The following PIAS1 variants were observed in gnomAD, a reference collection of about 807,000 sequenced individuals.
PIAS1 encodes the protein E3 SUMO-protein ligase PIAS1.
A neutral mutation model predicts 71.3 loss-of-function variants in PIAS1; 6 were observed. That is an observed-to-expected ratio of 0.08 (90% CI 0.05 to 0.17). The LOEUF is 0.17. Among genes scored for constraint, PIAS1 ranks in the 10% least tolerant of loss-of-function variants. The pLI, the probability that PIAS1 is intolerant of heterozygous loss-of-function variation, is 1.00. For missense variants in PIAS1, 555 were observed against 793.6 expected, an observed-to-expected ratio of 0.70 and a Z score of 3.61; for synonymous variants, 303 against 292.9, an observed-to-expected ratio of 1.03 and a Z score of -0.35.
chr15:68,093,195 T>TA (rs1256649947), intron 2 of PIAS1, among the ~76,000 whole-genome samples: 2 of 152,236 alleles, frequency 1.3e-5, no homozygotes, highest in East Asian at 3.8e-4. Context: ...CTTTATCAGG[T>TA]CTTTCCCAGA....
At chr15:68,153,540 T>C in intron 6 of PIAS1, 50 bp from the exon 7 acceptor site, 1 of 795,884 alleles carries the variant, frequency 1.3e-6, no homozygotes, top group East Asian at 2.4e-5. Flanking sequence ...AAAATAGATG[T>C]ACTATTTACT....
At chr15:68,075,940 G>A (rs2092158960) in intron 1 of PIAS1, among the ~76,000 whole-genome samples, 1 of 152,010 alleles carries the variant, frequency 6.6e-6, no homozygotes, top group Admixed American at 6.6e-5. Flanking sequence ...CCAGGACCGT[G>A]CCTGGTTCAT....
At chr15:68,120,599 T>G (rs1310940913) in intron 2 of PIAS1, among the ~76,000 whole-genome samples, 4 of 152,182 alleles carry the variant, frequency 2.6e-5, no homozygotes, top group Admixed American at 6.5e-5. Flanking sequence ...TCATTTTTAT[T>G]TTCCCCCTCC....
intron 2 of PIAS1, among the ~76,000 whole-genome samples, chr15:68,136,782 T>C (rs1459840533): frequency 6.6e-6 from 1 of 152,174 alleles, no homozygotes; most frequent in Non-Finnish European, 1.5e-5. Context: ...TTATATCATC[T>C]AAAAATATAG....
intron 7 of PIAS1, among the ~76,000 whole-genome samples, chr15:68,159,920 C>G (rs530654435): frequency 6.6e-6 from 1 of 151,974 alleles, no homozygotes; most frequent in African/African-American, 2.4e-5. Flanking sequence ...AGTAAATATA[C>G]CATTTTTGCA....
At chr15:68,184,932 G>A (rs751971082) in intron 13 of PIAS1, 2 of 153,370 alleles carry the variant, frequency 1.3e-5, no homozygotes, top group African/African-American at 4.8e-5. Flanking sequence ...TACTACAGGA[G>A]CAATAAGAAG....
At position 68,187,101 on chromosome 15, in the gene PIAS1, G is replaced by A. The variant is rs1273957207; in HGVS notation, c.1663-441G>A. ...AATTCTAACTTTCAGTGGTGCCTGA[G>A]TGTATAATAAGAACAGTGTCTGTTG... On this transcript the variant is annotated intron_variant, in intron 13 of 13. Transcript: ENST00000249636. This position sits in a 1 kb window ranked among gnomAD's most constrained non-coding sequence, Gnocchi z 5.3. Among the ~76,000 whole-genome samples the A allele has an allele frequency of 1.3e-5, 2 of 152,158 alleles. No homozygotes were observed. Among genetic ancestry groups the A allele is most frequent in the African/African-American group, 4.8e-5 (2 of 41,424 alleles).
In PIAS1 at chr15:68,188,900, A is replaced by C. The variant is rs2093104772; in HGVS notation, c.*1065A>C. 6.6e-6 allele frequency: 1 copy of C among 152,224 alleles called. No homozygotes were observed. The allele number at this position is 152,224 out of a possible 1,614,324, so 9.4% of individuals were successfully genotyped here. On this transcript the variant is annotated 3_prime_UTR_variant, in exon 14 of 14. Transcript: ENST00000249636. ...AGAGGTAATGTTACATCACCTAAAA[A>C]AGAAAGATACACGGTCAGTTATCCT...
intron 2 of PIAS1, among the ~76,000 whole-genome samples, chr15:68,135,083 G>C (rs2092716647): frequency 2.1e-5 from 1 of 48,092 alleles, no homozygotes; most frequent in Non-Finnish European, 8.5e-5. Context: ...GGGGTGGCTG[G>C]CCGGGCGGGG....
intron 2 of PIAS1, among the ~76,000 whole-genome samples, chr15:68,099,027 G>A (rs773115562): frequency 3.2e-4 from 49 of 152,010 alleles, no homozygotes; most frequent in Non-Finnish European, 5.4e-4. Flanking sequence ...TGCCTTCAAC[G>A]ATACCATGTG....
chr15:68,056,110 G>A (rs2091893239), intron 1 of PIAS1, among the ~76,000 whole-genome samples: 1 of 152,154 alleles, frequency 6.6e-6, no homozygotes, highest in African/African-American at 2.4e-5. Context: ...TTTAAGACAT[G>A]TTTTCTATAA....
chr15:68,123,981 T>TACAC (rs201775354), intron 2 of PIAS1, among the ~76,000 whole-genome samples: 287 of 21,642 alleles, frequency 0.013, 1 homozygote, highest in Admixed American at 0.033. Flanking sequence ...TATGTGTGAA[T>TACAC]ATACACACAC....
At chr15:68,084,056 T>C (rs2092255682) in intron 1 of PIAS1, among the ~76,000 whole-genome samples, 2 of 152,190 alleles carry the variant, frequency 1.3e-5, no homozygotes, top group South Asian at 2.1e-4. Context: ...AGAGATTTTA[T>C]GAGAAATGTC....
At chr15:68,099,276 T>C (rs1211768014) in intron 2 of PIAS1, among the ~76,000 whole-genome samples, 1 of 151,080 alleles carries the variant, frequency 6.6e-6, no homozygotes, top group Non-Finnish European at 1.5e-5. Context: ...TTTTTTTTAC[T>C]CTTCAAAGTT....
intron 2 of PIAS1, among the ~76,000 whole-genome samples, chr15:68,111,984 A>G (rs72759534): frequency 6.8e-4 from 103 of 152,218 alleles, no homozygotes; most frequent in Admixed American, 1.4e-3. Context: ...CATACTTCCA[A>G]CAACTGTTGT....
rs1031724802 is a variant in PIAS1 at position 68,186,419 on chromosome 15, A to G, written c.1663-1123A>G. Among the ~76,000 whole-genome samples, 4 of 152,262 alleles carry G rather than the reference A, an allele frequency of 2.6e-5. No homozygotes were observed. Among genetic ancestry groups the G allele is most frequent in the African/African-American group, 9.6e-5 (4 of 41,470 alleles). ...GGAAATATTTTTGTTCAGCTGTACAATGTACTTGTGTTTTAAATTAAGTGT... is the reference window on the plus strand; with the variant it reads ...GGAAATATTTTTGTTCAGCTGTACAGTGTACTTGTGTTTTAAATTAAGTGT... On this transcript the variant is annotated intron_variant, in intron 13 of 13. Coordinates refer to ENST00000249636, the MANE Select transcript of PIAS1 (RefSeq NM_016166.3). The surrounding 1 kb of genome is among the most constrained non-coding windows in gnomAD (Gnocchi z 4.4).
chr15:68,128,890 A>G (rs2092670472), intron 2 of PIAS1, among the ~76,000 whole-genome samples: 1 of 152,228 alleles, frequency 6.6e-6, no homozygotes, highest in South Asian at 2.1e-4. Flanking sequence ...GTTAGAAAAG[A>G]TAAACATTGA....
At chr15:68,146,784 A>G in intron 6 of PIAS1, 84 bp downstream of exon 6, 1 of 961,338 alleles carries the variant, frequency 1.0e-6, no homozygotes, top group Non-Finnish European at 1.6e-6. Context: ...TATGTAAATT[A>G]TGTAAAATGA....
chr15:68,138,490 A>G (rs1406292724), intron 2 of PIAS1, among the ~76,000 whole-genome samples: 2 of 152,090 alleles, frequency 1.3e-5, no homozygotes, highest in Admixed American at 6.6e-5. Context: ...GAATGAATGA[A>G]TGAGACGGAG....
Sources: gnomAD v4.1 joint callset for allele counts (sites outside exome capture counted in the v4.1 genomes callset) on GRCh38, gnomAD v4.1.1 for gene constraint, Gnocchi (gnomAD v3.1) non-coding constraint, MANE v1.5 for transcripts, NCBI Gene and HGNC (gene_info 2026-07-23, HGNC 2026-07-21) for gene names.